The following LANCL3 variants were observed in gnomAD, a reference collection of about 807,000 sequenced individuals.
The protein encoded by LANCL3 is lanC-like protein 3.
A neutral mutation model predicts 26.5 loss-of-function variants in LANCL3; 19 were observed. The observed-to-expected ratio is 0.72, with a 90% CI of 0.50 to 1.05. The LOEUF (loss-of-function observed/expected upper bound fraction) is 1.05. LANCL3 is among the 50% of genes least tolerant of loss of function. The probability of loss-of-function intolerance (pLI) is 0.00; values close to 1 mark genes in which losing one functional copy is unlikely to be tolerated. For missense variants in LANCL3, 318 were observed against 362.7 expected (o/e 0.88, Z 1.00); for synonymous variants, 160 against 166.6 (o/e 0.96, Z 0.30).
At chrX:37,587,942 T>A (rs1924153483) in intron 1 of LANCL3, among the ~76,000 whole-genome samples, 2 of 112,354 alleles carry the variant, frequency 1.8e-5, no homozygotes, top group Admixed American at 9.4e-5. Flanking sequence ...TGGAACCACA[T>A]CTGTATTATA....
chrX:37,592,839 A>G (rs1443191715), intron 1 of LANCL3, among the ~76,000 whole-genome samples: 5 of 111,703 alleles, frequency 4.5e-5, no homozygotes, highest in Non-Finnish European at 9.4e-5. Flanking sequence ...AGTGAAATAC[A>G]TGAGTTGCCA....
intron 1 of LANCL3, among the ~76,000 whole-genome samples, chrX:37,583,055 A>G (rs1923949132): frequency 8.9e-6 from 1 of 111,822 alleles, no homozygotes; most frequent in South Asian, 3.8e-4. Flanking sequence ...TTTTCCCAGC[A>G]CTATTTGTTA....
intron 3 of LANCL3, among the ~76,000 whole-genome samples, chrX:37,663,791 C>A (rs1556433230): frequency 1.8e-5 from 2 of 111,175 alleles, no homozygotes; most frequent in African/African-American, 6.5e-5. Context: ...GGCTGTAATA[C>A]CCTCCTTCTT....
At chrX:37,606,107 C>T (rs921101907) in intron 1 of LANCL3, among the ~76,000 whole-genome samples, 2 of 111,561 alleles carry the variant, frequency 1.8e-5, no homozygotes, top group Non-Finnish European at 3.8e-5. Flanking sequence ...GGGAAACCAG[C>T]GCAGGCTTCC....
chrX:37,639,241 A>G (rs1181775140), intron 1 of LANCL3, among the ~76,000 whole-genome samples: 3 of 101,612 alleles, frequency 3.0e-5, no homozygotes, highest in African/African-American at 7.1e-5. Flanking sequence ...GTGTACCTAC[A>G]TACATATACA....
intron 1 of LANCL3, among the ~76,000 whole-genome samples, chrX:37,609,780 G>A (rs1287673325): frequency 9.0e-6 from 1 of 111,609 alleles, no homozygotes; most frequent in African/African-American, 3.3e-5. Flanking sequence ...CTTGCAGTTG[G>A]TGAGATGTGA....
intron 1 of LANCL3, among the ~76,000 whole-genome samples, chrX:37,607,729 A>G (rs1436286805): frequency 1.8e-5 from 2 of 112,240 alleles, no homozygotes; most frequent in Non-Finnish European, 3.8e-5. Flanking sequence ...CATTTTGTAT[A>G]GGGAGAATAT....
chrX:37,617,320 A>G (rs1925037091), intron 1 of LANCL3, among the ~76,000 whole-genome samples: 1 of 111,459 alleles, frequency 9.0e-6, no homozygotes, highest in Non-Finnish European at 1.9e-5. Flanking sequence ...GCCTGGAGGT[A>G]GGCAGTCTCC....
intron 1 of LANCL3, among the ~76,000 whole-genome samples, chrX:37,627,483 T>G (rs1392091237): frequency 3.6e-5 from 4 of 111,517 alleles, no homozygotes; most frequent in Non-Finnish European, 7.5e-5. Flanking sequence ...ACTCAAAGGA[T>G]GCTCTGAATC....
In LANCL3 at chrX:37,641,721, G is replaced by T. The variant is rs1168239981; in HGVS notation, c.574-13967G>T. ...AGCTTGTTCTGTTGAAAGCATCTAG[G>T]TGAAAGAGCTATTAAGCCTTAAAAT... On this transcript the variant is annotated intron_variant, in intron 1 of 4. Coordinates refer to ENST00000378619, the MANE Select transcript of LANCL3 (RefSeq NM_001170331.2). Among the ~76,000 whole-genome samples the T allele has an allele frequency of 3.6e-5, 4 of 111,647 alleles. No individual in the cohort carries two copies. In the Admixed American group the frequency reaches 3.8e-4, roughly 11 times the overall value.
intron 1 of LANCL3, among the ~76,000 whole-genome samples, chrX:37,625,637 G>A (rs915548800): frequency 5.4e-5 from 6 of 111,114 alleles, no homozygotes; most frequent in Admixed American, 1.9e-4. Flanking sequence ...ATCCTTCCTT[G>A]CTGCTGTAGG....
chrX:37,574,434 C>T lies in LANCL3; in HGVS notation c.573+1991C>T, dbSNP rs183206047. On this transcript the variant is annotated intron_variant, in intron 1 of 4. Coordinates refer to ENST00000378619, the MANE Select transcript of LANCL3 (RefSeq NM_001170331.2). ...TTCCTCTGGCAATTCCCTCAGTTATCGCTCTAATTTAGATCCTCCCCACAT... is the reference window on the plus strand; with the variant it reads ...TTCCTCTGGCAATTCCCTCAGTTATTGCTCTAATTTAGATCCTCCCCACAT... 5.7e-3 allele frequency among the ~76,000 whole-genome samples: 636 copies of T among 111,506 alleles called. 2 individuals carry two copies. Among genetic ancestry groups the T allele is most frequent in the Middle Eastern group, 0.019 (4 of 215 alleles).
chrX:37,626,197 C>T lies in LANCL3; in HGVS notation c.574-29491C>T, dbSNP rs191761112. Among the ~76,000 whole-genome samples the T allele has an allele frequency of 3.1e-3, 352 of 112,478 alleles. 2 individuals are homozygous for T. Among genetic ancestry groups the T allele is most frequent in the African/African-American group, 0.01 (325 of 31,021 alleles). On this transcript the variant is annotated intron_variant, in intron 1 of 4. Transcript: ENST00000378619. The stretch of plus-strand genomic sequence containing the variant: ...AGACATAAGCAAGCTACTAGCTTCT[C>T]AGAAACTTAGTTTCCTCATCCTCAA...
intron 3 of LANCL3, among the ~76,000 whole-genome samples, chrX:37,661,833 A>T (rs1926428911): frequency 8.9e-6 from 1 of 112,296 alleles, no homozygotes; most frequent in Admixed American, 9.4e-5. Flanking sequence ...ATGATACCTT[A>T]TCTGTTCCTA....
chrX:37,590,435 AT>A (rs1924240735), intron 1 of LANCL3, among the ~76,000 whole-genome samples: 1 of 112,134 alleles, frequency 8.9e-6, no homozygotes, highest in South Asian at 3.7e-4. Context: ...CTCAGAAATT[AT>A]TTTTTTCTTG....
intron 1 of LANCL3, among the ~76,000 whole-genome samples, chrX:37,634,388 G>A (rs782628826): frequency 1.2e-4 from 14 of 113,007 alleles, no homozygotes; most frequent in African/African-American, 4.2e-4. Flanking sequence ...GACCCCTTGC[G>A]CTTCCTGAGT....
chrX:37,573,793 C>T (rs1923667045), intron 1 of LANCL3, among the ~76,000 whole-genome samples: 1 of 110,090 alleles, frequency 9.1e-6, no homozygotes, highest in South Asian at 3.9e-4. Context: ...TGCCTCTTCC[C>T]CTTTCCATGC....
chrX:37,633,148 CGT>C (rs1925585703), intron 1 of LANCL3, among the ~76,000 whole-genome samples: 1 of 92,585 alleles, frequency 1.1e-5, no homozygotes, highest in African/African-American at 4.4e-5. Context: ...AGGCTTTGTT[CGT>C]TTTTTTTTTT....
At position 37,584,294 on chromosome X, in the gene LANCL3, T is replaced by C. The variant is rs782040088; in HGVS notation, c.573+11851T>C. ...CTAAAATTCTCTTTTCTTGTTTTGT[T>C]TTTGCCAGGCTTTGGTGTCAGGATG... is the stretch of plus-strand genomic sequence containing the variant. On this transcript the variant is annotated intron_variant, in intron 1 of 4. Coordinates refer to ENST00000378619, the MANE Select transcript of LANCL3 (RefSeq NM_001170331.2). 4.2e-3 allele frequency among the ~76,000 whole-genome samples: 433 copies of C among 103,014 alleles called. 5 individuals carry two copies. The highest frequency in any genetic ancestry group is 0.017 in the African/African-American group (400 of 23,391). 89.5% of individuals were successfully genotyped at this position (103,014 alleles called of 115,157 possible).
Sources: allele counts gnomAD v4.1 joint callset (sites outside exome capture counted in the v4.1 genomes callset), GRCh38; gene constraint gnomAD v4.1.1; transcripts MANE v1.5; gene names NCBI Gene and HGNC (gene_info 2026-07-23, HGNC 2026-07-21).